Variants in KCNMA1 observed in about 807,000 individuals in gnomAD.
KCNMA1 encodes the protein potassium calcium-activated channel subfamily M alpha 1.
A neutral mutation model predicts 140.0 loss-of-function variants in KCNMA1; 29 were observed. The observed-to-expected ratio is 0.21, with a 90% CI of 0.15 to 0.28. The LOEUF is 0.28. KCNMA1 is among the 10% of genes least tolerant of loss of function. The pLI, the probability that KCNMA1 is intolerant of heterozygous loss-of-function variation, is 1.00. For synonymous variants in KCNMA1, 612 were observed against 611.9 expected (o/e 1.00, Z 0.00); for missense variants, 880 against 1,602.2 (o/e 0.55, Z 7.70).
intron 2 of KCNMA1, among the ~76,000 whole-genome samples, chr10:77,344,738 T>A (rs1050795797): frequency 6.6e-6 from 1 of 152,184 alleles, no homozygotes; most frequent in Non-Finnish European, 1.5e-5. Context: ...CATCTTCTCT[T>A]GTTTCCTGCA....
At chr10:77,062,227 T>G (rs577688357) in intron 14 of KCNMA1, among the ~76,000 whole-genome samples, 1 of 152,360 alleles carries the variant, frequency 6.6e-6, no homozygotes, top group South Asian at 2.1e-4. Flanking sequence ...TGGATTACTC[T>G]GCTAATAACC....
chr10:76,917,178 C>T (rs1179978694), intron 23 of KCNMA1, among the ~76,000 whole-genome samples: 1 of 152,190 alleles, frequency 6.6e-6, no homozygotes, highest in East Asian at 1.9e-4. Flanking sequence ...CTGGAAGTGA[C>T]AGCTGTGCAG....
intron 14 of KCNMA1, among the ~76,000 whole-genome samples, chr10:77,056,709 T>C (rs1300191085): frequency 3.9e-5 from 6 of 152,088 alleles, no homozygotes; most frequent in Non-Finnish European, 8.8e-5. Context: ...AAAGACGGGA[T>C]GCATAATTTA....
At chr10:77,345,853 A>G (rs1024223669) in intron 2 of KCNMA1, among the ~76,000 whole-genome samples, 2 of 152,142 alleles carry the variant, frequency 1.3e-5, no homozygotes, top group Admixed American at 6.5e-5. Context: ...ATAAATAATG[A>G]TGGGATAAAT....
At chr10:77,224,441 C>A (rs1249846291) in intron 3 of KCNMA1, among the ~76,000 whole-genome samples, 1 of 152,196 alleles carries the variant, frequency 6.6e-6, no homozygotes, top group Non-Finnish European at 1.5e-5. Context: ...GATGAACTTG[C>A]CTTTTCTATG....
chr10:77,143,089 C>T (rs553181903), intron 5 of KCNMA1, among the ~76,000 whole-genome samples: 66 of 151,848 alleles, frequency 4.3e-4, no homozygotes, highest in Non-Finnish European at 6.5e-4. Flanking sequence ...ATAATCATGA[C>T]ATTGAAACCT....
intron 1 of KCNMA1, among the ~76,000 whole-genome samples, chr10:77,428,946 C>T (rs1338788352): frequency 6.6e-6 from 1 of 152,126 alleles, no homozygotes; most frequent in African/African-American, 2.4e-5. Context: ...AGCTTGGCCA[C>T]TAGGGGTGGA....
chr10:77,169,463 C>G lies in KCNMA1; in HGVS notation c.808+13958G>C, dbSNP rs530825362. Among the ~76,000 whole-genome samples, 19 of 152,000 alleles carry G rather than the reference C, an allele frequency of 1.3e-4. No individual in the cohort carries two copies. In the Middle Eastern group the frequency reaches 0.014, roughly 109 times the overall value. The stretch of plus-strand genomic sequence containing the variant: ...GGAGTACAGTAGCACAACCACAGCT[C>G]ACTGTAGCTTCAACCTCCAAGGCTC... On this transcript the variant is annotated intron_variant, in intron 5 of 27. Coordinates refer to ENST00000286628, the MANE Select transcript of KCNMA1 (RefSeq NM_001161352.2).
chr10:77,018,984 A>G (rs1217592973), intron 17 of KCNMA1, 29 bp downstream of exon 17: 2 of 1,334,708 alleles, frequency 1.5e-6, no homozygotes, highest in Non-Finnish European at 2.2e-6. Context: ...CCGGGCCAGA[A>G]AGAAAGCCAG....
chr10:77,104,954 C>A (rs1400556578), intron 9 of KCNMA1, among the ~76,000 whole-genome samples: 1 of 152,164 alleles, frequency 6.6e-6, no homozygotes, highest in Non-Finnish European at 1.5e-5. Context: ...CCTTGGGAGG[C>A]AGGCTGGGCT....
chr10:77,501,303 G>C (rs1251634242), intron 1 of KCNMA1, among the ~76,000 whole-genome samples: 1 of 152,182 alleles, frequency 6.6e-6, no homozygotes, highest in East Asian at 1.9e-4. Context: ...GGCTTGCTTT[G>C]GTTCAGGAAT....
At chr10:76,941,864 C>T (rs577483857) in intron 23 of KCNMA1, among the ~76,000 whole-genome samples, 4 of 152,290 alleles carry the variant, frequency 2.6e-5, no homozygotes, top group South Asian at 2.1e-4. Flanking sequence ...AAGGTCAAGG[C>T]GCTGGCATGT....
chr10:76,936,767 G>A (rs1021927382), intron 23 of KCNMA1, among the ~76,000 whole-genome samples: 8 of 152,144 alleles, frequency 5.3e-5, no homozygotes, highest in African/African-American at 1.2e-4. Flanking sequence ...GGTGTGGAAG[G>A]GTGGTGTGGA....
At chr10:77,120,945 G>C (rs199813678) in intron 6 of KCNMA1, 28 bp downstream of exon 6, 1 of 1,405,060 alleles carries the variant, frequency 7.1e-7, no homozygotes, top group East Asian at 2.3e-5. Flanking sequence ...GGACTGGAAT[G>C]AAAAAAATAT....
chr10:77,482,634 C>A (rs1180453639), intron 1 of KCNMA1, among the ~76,000 whole-genome samples: 1 of 152,112 alleles, frequency 6.6e-6, no homozygotes, highest in East Asian at 1.9e-4. Flanking sequence ...TTCACAGTCA[C>A]TACATATTCC....
At chr10:77,489,485 G>A (rs949364326) in intron 1 of KCNMA1, among the ~76,000 whole-genome samples, 10 of 151,966 alleles carry the variant, frequency 6.6e-5, no homozygotes, top group South Asian at 2.1e-4. Flanking sequence ...ACAGGCACCC[G>A]CTACCATACC....
chr10:77,292,186 C>A (rs559683089), intron 2 of KCNMA1, among the ~76,000 whole-genome samples: 8 of 152,126 alleles, frequency 5.3e-5, no homozygotes, highest in Non-Finnish European at 1.0e-4. Flanking sequence ...AAGGCACAGC[C>A]GGCTGAGACC....
At chr10:77,480,499 T>C (rs2098370065) in intron 1 of KCNMA1, among the ~76,000 whole-genome samples, 1 of 152,170 alleles carries the variant, frequency 6.6e-6, no homozygotes, top group Non-Finnish European at 1.5e-5. Flanking sequence ...ACTTTTACTA[T>C]CCTATTAAAG....
intron 5 of KCNMA1, among the ~76,000 whole-genome samples, chr10:77,134,726 C>T (rs934953605): frequency 1.3e-5 from 2 of 152,062 alleles, no homozygotes; most frequent in Non-Finnish European, 2.9e-5. Flanking sequence ...AGGCGGGGCG[C>T]AGTGGCTCAC....
Sources: allele counts gnomAD v4.1 joint callset (sites outside exome capture counted in the v4.1 genomes callset), GRCh38; gene constraint gnomAD v4.1.1; transcripts MANE v1.5; gene names NCBI Gene and HGNC (gene_info 2026-07-23, HGNC 2026-07-21).